Variants in PCNX1 observed in about 807,000 individuals in gnomAD.
PCNX1 encodes the protein pecanex-like protein 1.
A neutral mutation model predicts 242.2 loss-of-function variants in PCNX1; 78 were observed. The ratio of observed to expected loss-of-function variants is 0.32; its 90% confidence interval spans 0.27 to 0.39. The LOEUF is 0.39. Ranked by LOEUF, PCNX1 falls within the 10% of genes least tolerant of loss-of-function variation. The pLI is 1.00. For synonymous variants in PCNX1, 1,024 were observed against 1,032.9 expected (o/e 0.99, Z 0.17); for missense variants, 2,581 against 2,856.5 (o/e 0.90, Z 2.20).
At chr14:70,945,949 T>C (rs2057440184) in intron 1 of PCNX1, among the ~76,000 whole-genome samples, 1 of 152,202 alleles carries the variant, frequency 6.6e-6, no homozygotes, top group East Asian at 1.9e-4. Context: ...TCTCATGAAA[T>C]TGGGATAAGT....
intron 8 of PCNX1, among the ~76,000 whole-genome samples, chr14:71,008,043 C>T (rs2059714916): frequency 6.6e-6 from 1 of 151,858 alleles, no homozygotes; most frequent in Admixed American, 6.6e-5. Flanking sequence ...CACAGAAAAC[C>T]TTTTTTTCCC....
intron 7 of PCNX1, among the ~76,000 whole-genome samples, chr14:70,989,114 C>T (rs1241343116): frequency 1.3e-5 from 2 of 151,744 alleles, no homozygotes; most frequent in African/African-American, 2.4e-5. Flanking sequence ...ACAAATAATT[C>T]ACTTAAACTT....
At chr14:70,957,876 G>T (rs2058053390) in intron 2 of PCNX1, among the ~76,000 whole-genome samples, 2 of 151,928 alleles carry the variant, frequency 1.3e-5, no homozygotes, top group South Asian at 2.1e-4. Flanking sequence ...CAAGATGAGG[G>T]CTGTCTCTCC....
At chr14:70,933,915 A>G (rs141847820) in intron 1 of PCNX1, among the ~76,000 whole-genome samples, 1 of 152,254 alleles carries the variant, frequency 6.6e-6, no homozygotes, top group African/African-American at 2.4e-5. Flanking sequence ...GAGAACAGCT[A>G]CAAGTATATT....
Position 71,109,023 on chromosome 14 carries a change from G to A in PCNX1, c.6721G>A (p.Ala2241Thr), listed in dbSNP as rs1169328122. The change falls in exon 34 of 36, where the codon GCA becomes ACA. Residue 2241 changes from alanine (A) to threonine (T), a missense_variant. By Grantham distance (58) the Ala-to-Thr change is moderately conservative (BLOSUM62 0). Around this residue, in one of 9 missense-constraint regions of PCNX1, gnomAD observed 432 missense variants for 433.6 expected, o/e 1.00. Coordinates refer to ENST00000304743, the MANE Select transcript of PCNX1 (RefSeq NM_014982.3). ...TGCCAACAATTCACACTCCAGAAAG[G>A]CAGAAGTGATTTACAGAGTCCAAGT... is the stretch of plus-strand genomic sequence containing the variant. ...SPANNSHSRK[A>T]EVIYRVQIVD... 4 of 1,612,890 alleles carry A rather than the reference G, an allele frequency of 2.5e-6. No homozygotes were observed. In the East Asian group the frequency reaches 8.9e-5, roughly 36 times the overall value.
chr14:71,075,623 G>T (rs966056167), intron 27 of PCNX1, among the ~76,000 whole-genome samples: 1 of 152,084 alleles, frequency 6.6e-6, no homozygotes, highest in South Asian at 2.1e-4. Context: ...AGGGCCAGGC[G>T]CAGTGGCTGA....
At chr14:70,975,164 A>G (rs2058656693) in intron 5 of PCNX1, among the ~76,000 whole-genome samples, 1 of 152,208 alleles carries the variant, frequency 6.6e-6, no homozygotes, top group African/African-American at 2.4e-5. Context: ...TAAAATTCAT[A>G]TCCTTGAAAT....
intron 1 of PCNX1, among the ~76,000 whole-genome samples, chr14:70,946,462 A>G (rs886794998): frequency 3.3e-5 from 5 of 152,224 alleles, no homozygotes; most frequent in Non-Finnish European, 7.3e-5. Context: ...TTTGGCATGG[A>G]CTGTATACCT....
chr14:70,978,747 C>G, intron 6 of PCNX1, 99 bp downstream of exon 6: 2 of 1,040,268 alleles, frequency 1.9e-6, no homozygotes, highest in Non-Finnish European at 2.7e-6. Context: ...TTAATATTCC[C>G]CCTTCCACTG....
At chr14:71,055,454 A>G (rs1566754687) in intron 24 of PCNX1, 50 bp from the exon 25 acceptor site, 1 of 1,083,620 alleles carries the variant, frequency 9.2e-7, no homozygotes, top group Admixed American at 1.8e-5. Flanking sequence ...TAAATTGTTA[A>G]ATATTTTTTA....
At chr14:71,059,812 T>A (rs763294356) in intron 26 of PCNX1, among the ~76,000 whole-genome samples, 1 of 152,228 alleles carries the variant, frequency 6.6e-6, no homozygotes, top group Non-Finnish European at 1.5e-5. Flanking sequence ...TACTCTGTGA[T>A]CTGGCCTCTG....
chr14:71,042,904 A>G (rs1445386011), intron 19 of PCNX1, among the ~76,000 whole-genome samples: 1 of 152,026 alleles, frequency 6.6e-6, no homozygotes, highest in African/African-American at 2.4e-5. Context: ...CAATGTTTTT[A>G]TCCTTTCCTG....
chr14:71,011,162 T>C (rs777753195), intron 9 of PCNX1, among the ~76,000 whole-genome samples: 1 of 152,184 alleles, frequency 6.6e-6, no homozygotes, highest in Non-Finnish European at 1.5e-5. Context: ...TACTGATTCC[T>C]GGCAATATGT....
intron 6 of PCNX1, among the ~76,000 whole-genome samples, chr14:70,985,336 T>A (rs1185822129): frequency 6.6e-6 from 1 of 152,180 alleles, no homozygotes; most frequent in East Asian, 1.9e-4. Context: ...TGCCTCAGCC[T>A]CCCGAGTAGC....
rs1054779729 is a variant in PCNX1, at chr14:70,989,454, A to G, written c.2444+755A>G. On this transcript the variant is annotated intron_variant, in intron 7 of 35. Coordinates refer to ENST00000304743, the MANE Select transcript of PCNX1 (RefSeq NM_014982.3). ...TAATTACATCAAATCTGCTGAATCT[A>G]TGCCCTGAATTAGAAATATAAAAAT... Among the ~76,000 whole-genome samples the G allele has an allele frequency of 1.1e-4, 16 of 151,918 alleles. No homozygotes were observed. In the East Asian group the frequency reaches 1.3e-3, roughly 13 times the overall value.
intron 11 of PCNX1, among the ~76,000 whole-genome samples, chr14:71,014,743 G>A (rs752447965): frequency 6.6e-6 from 1 of 152,140 alleles, no homozygotes; most frequent in Non-Finnish European, 1.5e-5. Flanking sequence ...AGAGAAAGCT[G>A]TGGGACAACT....
chr14:71,042,375 TTG>T (rs1196129853), intron 19 of PCNX1, among the ~76,000 whole-genome samples: 2 of 152,168 alleles, frequency 1.3e-5, no homozygotes, highest in Non-Finnish European at 2.9e-5. Flanking sequence ...ATGTTTATAA[TTG>T]TTATACCCTT....
chr14:71,074,490 G>C (rs1159959776), intron 27 of PCNX1, among the ~76,000 whole-genome samples: 1 of 152,214 alleles, frequency 6.6e-6, no homozygotes, highest in Non-Finnish European at 1.5e-5. Flanking sequence ...ATAGGATATT[G>C]TCCAGAGACA....
intron 6 of PCNX1, among the ~76,000 whole-genome samples, chr14:70,987,670 G>T (rs2059038797): frequency 6.6e-6 from 1 of 152,136 alleles, no homozygotes; most frequent in Admixed American, 6.5e-5. Context: ...TTAAATGGAT[G>T]AAAATCATTT....
Sources: gnomAD v4.1 joint callset for allele counts (sites outside exome capture counted in the v4.1 genomes callset) on GRCh38, gnomAD v4.1.1 for gene constraint, gnomAD v4.1.1 regional missense constraint, MANE v1.5 for transcripts, NCBI Gene and HGNC (gene_info 2026-07-23, HGNC 2026-07-21) for gene names.